The following PCSK9 variants were observed in gnomAD, a reference collection of about 807,000 sequenced individuals.
The protein encoded by PCSK9 is convertase subtilisin/kexin type 9 preproprotein.
Under a neutral mutation model 62.1 loss-of-function variants are expected in PCSK9, and 57 were observed. That is an observed-to-expected ratio of 0.92 (90% CI 0.74 to 1.14). The LOEUF (loss-of-function observed/expected upper bound fraction) is 1.14, where lower values mean the gene tolerates loss of function less well. Among genes scored for constraint, PCSK9 ranks in the 50% most tolerant of loss-of-function variants. The pLI is 0.00. For synonymous variants in PCSK9, 387 were observed against 409.4 expected (o/e 0.95, Z 0.66); for missense variants, 870 against 959.8 (o/e 0.91, Z 1.24).
intron 9 of PCSK9, among the ~76,000 whole-genome samples, chr1:55,058,856 A>AC (rs1341444533): frequency 2.6e-5 from 4 of 152,170 alleles, no homozygotes; most frequent in African/African-American, 9.7e-5. Context: ...GGAGAGAGCC[A>AC]CAGCGGGAAG....
intron 6 of PCSK9, among the ~76,000 whole-genome samples, chr1:55,056,834 T>G (rs541848332): frequency 2.6e-5 from 4 of 152,292 alleles, no homozygotes; most frequent in African/African-American, 7.2e-5. Flanking sequence ...CTTGTTCCAC[T>G]TCAAGTCTGG....
Position 55,039,741 on chromosome 1 carries a change from C to G in PCSK9, c.-97C>G. On this transcript the variant is annotated 5_prime_UTR_variant, in exon 1 of 12. Transcript: ENST00000302118. ...CTGCTCCTGAACTTCAGCTCCTGCACAGTCCTCCCCACCGCAAGGCTCAAG... is the reference window on the plus strand; with the variant it reads ...CTGCTCCTGAACTTCAGCTCCTGCAGAGTCCTCCCCACCGCAAGGCTCAAG... 1.0e-5 allele frequency: 14 copies of G among 1,404,430 alleles called. No individual in the cohort carries two copies. Among genetic ancestry groups the G allele is most frequent in the Non-Finnish European group, 1.4e-5 (14 of 1,016,434 alleles). The allele number at this position is 1,404,430 out of a possible 1,614,324, so 87.0% of individuals were successfully genotyped here. A position where few individuals can be genotyped will look rare whatever the true frequency, so the allele number is the denominator to read the frequency against.
At chr1:55,063,089 G>A (rs1312796458) in intron 11 of PCSK9, among the ~76,000 whole-genome samples, 1 of 152,136 alleles carries the variant, frequency 6.6e-6, no homozygotes, top group Non-Finnish European at 1.5e-5. Context: ...AGTTTCAGAG[G>A]GATGAGTTTG....
chr1:55,039,750 C>T lies in PCSK9; in HGVS notation c.-88C>T. On this transcript the variant is annotated 5_prime_UTR_variant, in exon 1 of 12. Coordinates refer to ENST00000302118, the MANE Select transcript of PCSK9 (RefSeq NM_174936.4). ...AACTTCAGCTCCTGCACAGTCCTCC[C>T]CACCGCAAGGCTCAAGGCGCCGCCG... The T allele has an allele frequency of 6.8e-7, 1 of 1,461,900 alleles. No individual in the cohort carries two copies. The highest frequency in any genetic ancestry group is 1.2e-5 in the South Asian group (1 of 82,108). 90.6% of individuals were successfully genotyped at this position (1,461,900 alleles called of 1,614,324 possible). A position where few individuals can be genotyped will look rare whatever the true frequency, so the allele number is the denominator to read the frequency against.
In PCSK9 at chr1:55,057,548, A is replaced by G. The variant is rs771829687; in HGVS notation, c.1180+34A>G. 2 of 1,582,350 alleles carry G rather than the reference A, an allele frequency of 1.3e-6. 1 individual carries two copies. The highest frequency in any genetic ancestry group is 2.3e-5 in the South Asian group (2 of 87,674). On this transcript the variant is annotated intron_variant, in intron 7 of 11. Transcript: ENST00000302118. The stretch of plus-strand genomic sequence containing the variant: ...CCACCCCACTGCCTCGGCCACCGTG[A>G]TGCTAACAGCCCCTTTGGCAGTCAG...
intron 3 of PCSK9, among the ~76,000 whole-genome samples, chr1:55,049,164 T>C (rs1644655743): frequency 6.6e-6 from 1 of 152,190 alleles, no homozygotes; most frequent in Non-Finnish European, 1.5e-5. Context: ...GAAGCGCTGT[T>C]CTAGCCAAGA....
intron 3 of PCSK9, chr1:55,051,828 T>C (rs1570300649): frequency 7.6e-6 from 2 of 264,814 alleles, no homozygotes; most frequent in East Asian, 2.1e-4. Flanking sequence ...GTCTCTAAAA[T>C]GAGCCGGCCA....
At chr1:55,044,077 G>T in intron 2 of PCSK9, 43 bp downstream of exon 2, 1 of 1,604,084 alleles carries the variant, frequency 6.2e-7, no homozygotes, top group Non-Finnish European at 8.5e-7. Context: ...GATAGGGCTG[G>T]GCCACTGCAT....
chr1:55,060,839 G>A (rs961657088), intron 10 of PCSK9, among the ~76,000 whole-genome samples: 1 of 152,188 alleles, frequency 6.6e-6, no homozygotes, highest in Non-Finnish European at 1.5e-5. Flanking sequence ...GGCTTCGCAC[G>A]TGTCATCTTC....
chr1:55,047,648 T>C (rs1293118825), intron 3 of PCSK9, among the ~76,000 whole-genome samples: 1 of 152,232 alleles, frequency 6.6e-6, no homozygotes, highest in Admixed American at 6.5e-5. Flanking sequence ...ACCCAAACTG[T>C]GTGACCTTGC....
At position 55,039,930 on chromosome 1, in the gene PCSK9, G is replaced by GGAGGAC. The variant is rs746705490; in HGVS notation, c.101_106dup (p.Glu34_Asp35dup). 3.9e-5 allele frequency: 61 copies of GGAGGAC among 1,571,448 alleles called. No individual in the cohort carries two copies. Among genetic ancestry groups the GGAGGAC allele is most frequent in the Admixed American group, 1.9e-5 (1 of 53,386 alleles). On this transcript the variant is annotated inframe_insertion, in exon 1 of 12. Transcript: ENST00000302118. The stretch of plus-strand genomic sequence containing the variant: ...TGGGTCCCGCGGGCGCCCGTGCGCA[G>GGAGGAC]GAGGACGAGGACGGCGACTACGAGG...
intron 11 of PCSK9, among the ~76,000 whole-genome samples, chr1:55,062,352 A>G (rs1246887735): frequency 6.6e-6 from 1 of 152,158 alleles, no homozygotes; most frequent in Non-Finnish European, 1.5e-5. Context: ...AGAGCAAAAG[A>G]CAGTCTTGGT....
rs147182054 is a variant in PCSK9 at position 55,063,480 on chromosome 1, C to T, written c.1975C>T (p.Arg659Trp). The stretch of plus-strand genomic sequence containing the variant: ...AGACAACACGTGTGTAGTCAGGAGC[C>T]GGGACGTCAGCACTACAGGCAGCAC... ...AVDNTCVVRS[R>W]DVSTTGSTSE... The change falls in exon 12 of 12, where the codon CGG (arginine) becomes TGG (tryptophan). Residue 659 changes from arginine to tryptophan, a missense_variant. Arg to Trp is a moderately radical substitution (Grantham distance 101). Transcript: ENST00000302118. The T allele has an allele frequency of 2.1e-5, 34 of 1,613,962 alleles. No homozygotes were observed. Among genetic ancestry groups the T allele is most frequent in the Middle Eastern group, 1.7e-4 (1 of 6,046 alleles).
At chr1:55,041,761 T>C (rs1644599168) in intron 1 of PCSK9, among the ~76,000 whole-genome samples, 1 of 152,054 alleles carries the variant, frequency 6.6e-6, no homozygotes, top group South Asian at 2.1e-4. Context: ...CTGCACAGAG[T>C]ACTCTCCCAA....
In PCSK9 at chr1:55,063,556, T is replaced by C; in HGVS notation, c.2051T>C (p.Leu684Pro). The C allele has an allele frequency of 6.2e-7, 1 of 1,612,770 alleles. No homozygotes were observed. The highest frequency in any genetic ancestry group is 1.9e-4 in the Middle Eastern group (1 of 5,274). Residue 684 changes from leucine (L) to proline (P), a missense_variant, in exon 12 of 12, where the codon CTG becomes CCG. Leu to Pro is a moderately conservative substitution (Grantham distance 98). Coordinates refer to ENST00000302118, the MANE Select transcript of PCSK9 (RefSeq NM_174936.4). ...AVAICCRSRHLAQASQELQ is the reference protein window; with the variant it reads ...AVAICCRSRHPAQASQELQ ...GCCATCTGCTGCCGGAGCCGGCACCTGGCGCAGGCCTCCCAGGAGCTCCAG... is the reference window on the plus strand; with the variant it reads ...GCCATCTGCTGCCGGAGCCGGCACCCGGCGCAGGCCTCCCAGGAGCTCCAG...
At chr1:55,057,830 A>C (rs1644726815) in intron 7 of PCSK9, among the ~76,000 whole-genome samples, 1 of 152,196 alleles carries the variant, frequency 6.6e-6, no homozygotes, top group Admixed American at 6.5e-5. Context: ...ATAAGACAGC[A>C]ACTACCAAGG....
Position 55,058,202 on chromosome 1 carries a change from TG to T in PCSK9, c.1351del (p.Ala451GlnfsTer34). 6.2e-7 allele frequency: 1 copy of T among 1,612,338 alleles called. No homozygotes were observed. On this transcript the variant is annotated frameshift_variant, in exon 8 of 12. Transcript: ENST00000302118. LOFTEE classifies it high-confidence loss of function. ...TGGCCGCCCTGCCCCCCAGCACCCATGGGGCAGGTAAGCAGGATGGCAGGGT... is the reference window on the plus strand; with the variant it reads ...TGGCCGCCCTGCCCCCCAGCACCCATGGGCAGGTAAGCAGGATGGCAGGGT... ...LVAALPPSTH[G>X]AGWQLFCRTV...
chr1:55,062,667 G>T (rs927292106), intron 11 of PCSK9, among the ~76,000 whole-genome samples: 3 of 152,240 alleles, frequency 2.0e-5, no homozygotes, highest in Non-Finnish European at 2.9e-5. Context: ...AGGTGGGGAT[G>T]TGCAGGGAGT....
At chr1:55,052,057 C>A in intron 3 of PCSK9, 1 of 651,464 alleles carries the variant, frequency 1.5e-6, no homozygotes, top group South Asian at 1.8e-5. Context: ...AGCTGATGGC[C>A]TTGGACAGTT....
Sources: allele counts gnomAD v4.1 joint callset (sites outside exome capture counted in the v4.1 genomes callset), GRCh38; gene constraint gnomAD v4.1.1; transcripts MANE v1.5; gene names NCBI Gene and HGNC (gene_info 2026-07-23, HGNC 2026-07-21).